The following ABCA12 variants were observed in gnomAD, a reference collection of about 807,000 sequenced individuals.
ABCA12 encodes the protein ATP binding cassette subfamily A member 12.
ABCA12 carries 156 observed loss-of-function variants against 293.5 expected under a neutral mutation model. That is an observed-to-expected ratio of 0.53 (90% CI 0.47 to 0.61). The LOEUF (loss-of-function observed/expected upper bound fraction) is 0.61, where lower values mean the gene tolerates loss of function less well. Among genes scored for constraint, ABCA12 ranks in the 20% least tolerant of loss-of-function variants. ABCA12 has a pLI of 0.00. For missense variants in ABCA12, 2,797 were observed against 3,090.2 expected (o/e 0.91, Z 2.25); for synonymous variants, 1,063 against 1,108.0 (o/e 0.96, Z 0.81).
chr2:214,946,730 G>T (rs1343347813), intron 48 of ABCA12, among the ~76,000 whole-genome samples: 2 of 152,090 alleles, frequency 1.3e-5, no homozygotes, highest in Non-Finnish European at 2.9e-5. Context: ...ATAAGGGCAA[G>T]TATATTTTTC....
At chr2:215,018,279 ATT>A in intron 13 of ABCA12, 147 bp from the exon 14 acceptor site, 1 of 904,016 alleles carries the variant, frequency 1.1e-6, no homozygotes. Context: ...AACGTTGCAT[ATT>A]TAGGATCTAT....
At chr2:215,068,104 G>A (rs1701669743) in intron 2 of ABCA12, among the ~76,000 whole-genome samples, 1 of 152,148 alleles carries the variant, frequency 6.6e-6, no homozygotes, top group Non-Finnish European at 1.5e-5. Flanking sequence ...AGATTAGAGT[G>A]ATGGTTCTCC....
chr2:215,098,625 A>T (rs1702293109), intron 2 of ABCA12, among the ~76,000 whole-genome samples: 1 of 152,222 alleles, frequency 6.6e-6, no homozygotes, highest in Non-Finnish European at 1.5e-5. Flanking sequence ...CCAGAGAGTA[A>T]TTCTGTTAGC....
intron 1 of ABCA12, among the ~76,000 whole-genome samples, chr2:215,124,721 C>T (rs1702886262): frequency 6.6e-6 from 1 of 151,996 alleles, no homozygotes; most frequent in African/African-American, 2.4e-5. Flanking sequence ...GTCAGATGTA[C>T]AGATTGTGAA....
intron 2 of ABCA12, among the ~76,000 whole-genome samples, chr2:215,068,887 G>T: frequency 6.6e-6 from 1 of 152,166 alleles, no homozygotes; most frequent in Non-Finnish European, 1.5e-5. Context: ...GCACTGTCTA[G>T]AGAAGTGCTA....
chr2:214,996,509 G>A (rs752761462), intron 23 of ABCA12, among the ~76,000 whole-genome samples: 12 of 151,932 alleles, frequency 7.9e-5, no homozygotes, highest in Non-Finnish European at 1.5e-4. Context: ...AGAAGGGAGG[G>A]GCTTGCAATC....
At chr2:215,037,421 T>C (rs1249324805) in intron 7 of ABCA12, among the ~76,000 whole-genome samples, 2 of 152,046 alleles carry the variant, frequency 1.3e-5, no homozygotes, top group Non-Finnish European at 2.9e-5. Context: ...AAAAGAAAAA[T>C]TAAATATTAG....
chr2:215,101,097 C>T (rs1330781226), intron 2 of ABCA12, among the ~76,000 whole-genome samples: 1 of 152,104 alleles, frequency 6.6e-6, no homozygotes, highest in African/African-American at 2.4e-5. Context: ...CTTCTGATAT[C>T]CTGGGGATTA....
intron 19 of ABCA12, among the ~76,000 whole-genome samples, chr2:215,006,887 T>C (rs1700265328): frequency 1.5e-5 from 2 of 136,584 alleles, no homozygotes; most frequent in African/African-American, 3.1e-5. Context: ...TTTTTTTTTT[T>C]TTTTTGAGAT....
intron 39 of ABCA12, among the ~76,000 whole-genome samples, chr2:214,966,553 T>C (rs1231934752): frequency 6.6e-6 from 1 of 152,214 alleles, no homozygotes; most frequent in Non-Finnish European, 1.5e-5. Context: ...AAGCACGTCG[T>C]TTAAAAATAT....
intron 2 of ABCA12, among the ~76,000 whole-genome samples, chr2:215,107,605 C>T (rs1303584302): frequency 6.6e-6 from 1 of 152,136 alleles, no homozygotes; most frequent in African/African-American, 2.4e-5. Flanking sequence ...GGACCAGCAC[C>T]AATGGTGTCA....
intron 5 of ABCA12, chr2:215,050,845 GAGAA>G: frequency 1.0e-6 from 1 of 984,676 alleles, no homozygotes; most frequent in Non-Finnish European, 1.2e-6. Context: ...AAGCAGTAAA[GAGAA>G]AGAAAGAGGA....
chr2:215,052,025 CAG>C (rs148153234), intron 5 of ABCA12, among the ~76,000 whole-genome samples: 9,034 of 152,096 alleles, frequency 0.059, 893 homozygotes, highest in African/African-American at 0.2. Flanking sequence ...CTCTAGGAAA[CAG>C]AGAAATCGAT....
chr2:214,969,403 A>C (rs1699336707), intron 37 of ABCA12, among the ~76,000 whole-genome samples: 1 of 152,082 alleles, frequency 6.6e-6, no homozygotes. Context: ...CTGCCTACCA[A>C]ATTAAGGACA....
chr2:214,973,276 GTACAACCA>G (rs1183506528), intron 36 of ABCA12, among the ~76,000 whole-genome samples: 1 of 152,154 alleles, frequency 6.6e-6, no homozygotes, highest in Non-Finnish European at 1.5e-5. Flanking sequence ...ACACTTCAGT[GTACAACCA>G]TATGTCACTC....
intron 7 of ABCA12, among the ~76,000 whole-genome samples, chr2:215,045,127 G>A (rs754563101): frequency 2.1e-4 from 32 of 152,188 alleles, no homozygotes; most frequent in Non-Finnish European, 4.3e-4. Flanking sequence ...CTTAATAATC[G>A]AACATCATTG....
At chr2:215,004,340 A>G (rs1285909107) in intron 19 of ABCA12, 41 bp from the exon 20 acceptor site, 1 of 1,489,458 alleles carries the variant, frequency 6.7e-7, no homozygotes, top group African/African-American at 1.4e-5. Context: ...ATACAAGAAA[A>G]ATCATGTTTG....
At chr2:214,964,254 A>G (rs1377176821) in intron 39 of ABCA12, among the ~76,000 whole-genome samples, 1 of 152,180 alleles carries the variant, frequency 6.6e-6, no homozygotes, top group Non-Finnish European at 1.5e-5. Flanking sequence ...GTATATGGCA[A>G]ACCCACAGCC....
intron 28 of ABCA12, 53 bp downstream of exon 28, chr2:214,986,489 T>G: frequency 6.5e-7 from 1 of 1,532,604 alleles, no homozygotes; most frequent in East Asian, 2.3e-5. Flanking sequence ...TTTTTACACC[T>G]GTATTTTTTG....
Sources: allele counts gnomAD v4.1 joint callset (sites outside exome capture counted in the v4.1 genomes callset), GRCh38; gene constraint gnomAD v4.1.1; transcripts MANE v1.5; gene names NCBI Gene and HGNC (gene_info 2026-07-23, HGNC 2026-07-21).